MAP4: variants seen among roughly 807,000 people sequenced by gnomAD.
MAP4 encodes microtubule-associated protein 4.
In MAP4, 76 loss-of-function variants were observed where a neutral mutation model predicts 170.2. The ratio of observed to expected loss-of-function variants is 0.45; its 90% CI spans 0.37 to 0.54. The LOEUF is 0.54. Among genes scored for constraint, MAP4 ranks in the 20% least tolerant of loss-of-function variants. MAP4 has a pLI of 0.00. For missense variants in MAP4, 2,506 were observed against 2,748.0 expected (o/e 0.91, Z 1.97); for synonymous variants, 909 against 994.5 (o/e 0.91, Z 1.62).
At chr3:48,023,589 G>A (rs2100111625) in intron 1 of MAP4, among the ~76,000 whole-genome samples, 1 of 152,158 alleles carries the variant, frequency 6.6e-6, no homozygotes. Flanking sequence ...GTCTGCATGT[G>A]CTGACCTTTA....
chr3:47,875,585 C>T (rs2095081784), intron 12 of MAP4, 100 bp downstream of exon 12: 1 of 1,138,000 alleles, frequency 8.8e-7, no homozygotes. Flanking sequence ...TTCCCAATTC[C>T]ACCAGCCTGA....
chr3:48,086,516 A>G (rs898459469), intron 1 of MAP4, among the ~76,000 whole-genome samples: 5 of 151,970 alleles, frequency 3.3e-5, no homozygotes, highest in African/African-American at 1.2e-4. Flanking sequence ...GCACATGCCT[A>G]TAATCCCAGC....
At chr3:48,078,044 C>A (rs1037478875) in intron 1 of MAP4, among the ~76,000 whole-genome samples, 2 of 152,130 alleles carry the variant, frequency 1.3e-5, no homozygotes, top group African/African-American at 4.8e-5. Flanking sequence ...AGACTGCTAA[C>A]GGGTATGAGG....
intron 3 of MAP4, among the ~76,000 whole-genome samples, chr3:47,939,870 G>A (rs1368338356): frequency 7.2e-5 from 11 of 151,810 alleles, no homozygotes; most frequent in Admixed American, 7.2e-4. Flanking sequence ...TTGAGGTGGA[G>A]TCTCACTCTG....
At chr3:47,976,347 T>C (rs1399399126) in intron 3 of MAP4, among the ~76,000 whole-genome samples, 1 of 152,208 alleles carries the variant, frequency 6.6e-6, no homozygotes. Flanking sequence ...ACACAGAGTT[T>C]GAGTCTCTTC....
rs761081509 is a variant in MAP4, at chr3:47,916,218, G to C, written c.1609C>G (p.Pro537Ala). Residue 537 changes from proline (P) to alanine (A), a missense_variant, in exon 7 of 21, where the codon CCT (proline) becomes GCT (alanine). By Grantham distance (27) the Pro-to-Ala change is conservative. This residue lies in a region of MAP4 where 2,008 missense variants were observed against 2,206.0 expected (regional missense o/e 0.91). Transcript: ENST00000683076. ...EVVLIKNVCL[P>A]PEMEVALTED... ...GTCAGGGCCACCTCCATTTCTGGAG[G>C]CAGACATACGTTCTTGATGAGAACT... The C allele has an allele frequency of 6.2e-7, 1 of 1,614,196 alleles. No individual in the cohort carries two copies. Among genetic ancestry groups the C allele is most frequent in the South Asian group, 1.1e-5 (1 of 91,088 alleles).
intron 3 of MAP4, among the ~76,000 whole-genome samples, chr3:47,959,549 G>T (rs2100070154): frequency 6.6e-6 from 1 of 151,830 alleles, no homozygotes; most frequent in Admixed American, 6.6e-5. Context: ...AAGGTCAGGA[G>T]ATCGAGACCA....
In MAP4 at chr3:47,870,813, C is replaced by A. The variant is rs1367942899; in HGVS notation, c.6294G>T (p.Arg2098=). 3.9e-6 allele frequency: 6 copies of A among 1,545,028 alleles called. No homozygotes were observed. The highest frequency in any genetic ancestry group is 5.2e-6 in the Non-Finnish European group (6 of 1,143,664). ...ENIKHQPGGG[R]AKVEKKTEAA... is the part of the protein sequence containing the mutation. ...AGGACCCCAAGCTCCCTGGACCCACCCGGCCTCCTCCAGGCTGATGCTTGA... is the reference window on the plus strand; with the variant it reads ...AGGACCCCAAGCTCCCTGGACCCACACGGCCTCCTCCAGGCTGATGCTTGA... The change falls in exon 15 of 21, where the codon CGG becomes CGT. Residue 2098 remains arginine (R), a splice_region_variant and synonymous_variant. Transcript: ENST00000683076.
At chr3:47,892,845 T>C in intron 10 of MAP4, 3 of 1,056,106 alleles carry the variant, frequency 2.8e-6, no homozygotes, top group Non-Finnish European at 3.4e-6. Flanking sequence ...GGATAGTAAT[T>C]ATTTTGGCTT....
intron 1 of MAP4, among the ~76,000 whole-genome samples, chr3:48,056,672 T>A (rs1483190423): frequency 1.2e-5 from 1 of 84,852 alleles, no homozygotes; most frequent in Non-Finnish European, 2.3e-5. Context: ...GGTGGGGGGG[T>A]CAGCCCTCCG....
At chr3:48,073,252 T>TAC (rs35163339) in intron 1 of MAP4, among the ~76,000 whole-genome samples, 1,931 of 134,464 alleles carry the variant, frequency 0.014, 34 homozygotes, top group African/African-American at 0.037. Flanking sequence ...TCCAAAGGAA[T>TAC]ACACACACAC....
At chr3:48,056,478 G>A (rs2100131729) in intron 1 of MAP4, among the ~76,000 whole-genome samples, 1 of 60,972 alleles carries the variant, frequency 1.6e-5, no homozygotes, top group African/African-American at 7.3e-5. Flanking sequence ...GCCCCGTCCG[G>A]GAGGGAGGTG....
Position 47,914,876 on chromosome 3 carries a change from T to C in MAP4, c.1940A>G (p.Lys647Arg). Residue 647 changes from lysine to arginine, a missense_variant, in exon 8 of 21, where the codon AAA becomes AGA. Physicochemically the swap from Lys to Arg is conservative, Grantham distance 26 (BLOSUM62 2). This residue lies in a region of MAP4 where 2,008 missense variants were observed against 2,206.0 expected (regional missense o/e 0.91). Coordinates refer to ENST00000683076, the MANE Select transcript of MAP4 (RefSeq NM_001385682.1). Reference protein sequence around the residue: ...LPAEEDSVLEKLGERKPCNSQ... With the variant: ...LPAEEDSVLERLGERKPCNSQ... ...GTTGCATGGTTTCCTTTCCCCTAGT[T>C]TTTCTAACACAGAATCCTCCTCGGC... The C allele has an allele frequency of 2.5e-6, 4 of 1,614,140 alleles. No homozygotes were observed. In the South Asian group the frequency reaches 4.4e-5, roughly 18 times the overall value.
chr3:48,073,648 C>A (rs1006760995), intron 1 of MAP4, among the ~76,000 whole-genome samples: 9 of 151,470 alleles, frequency 5.9e-5, no homozygotes, highest in Non-Finnish European at 1.0e-4. Flanking sequence ...TTCAGCAAGG[C>A]CACAGAATAC....
chr3:47,864,252 T>G (rs1037966466), intron 17 of MAP4, among the ~76,000 whole-genome samples: 1 of 152,172 alleles, frequency 6.6e-6, no homozygotes. Context: ...AAAAGATATT[T>G]TTTTTGGGAC....
intron 1 of MAP4, among the ~76,000 whole-genome samples, chr3:48,025,858 C>T (rs113211047): frequency 0.011 from 1,720 of 150,640 alleles, 36 homozygotes; most frequent in African/African-American, 0.039. Context: ...CGAGATCGTA[C>T]CACTGCACTC....
At chr3:47,973,618 AAAG>A in intron 3 of MAP4, 1 of 985,370 alleles carries the variant, frequency 1.0e-6, no homozygotes, top group Non-Finnish European at 1.2e-6. Flanking sequence ...AATGGAAATA[AAAG>A]AATAAATAAA....
In MAP4 at chr3:47,932,533, T is replaced by TC. The variant is rs1324095272; in HGVS notation, c.293-4184dup. Reference sequence around the variant, plus strand: ...CCAAAATGGCTGCGTCATTTTACAATCCCAATAACAATACATGAGGACTCC... The same window carrying TC: ...CCAAAATGGCTGCGTCATTTTACAATCCCCAATAACAATACATGAGGACTCC... On this transcript the variant is annotated intron_variant, in intron 3 of 20. Transcript: ENST00000683076. Among the ~76,000 whole-genome samples the TC allele has an allele frequency of 7.9e-5, 12 of 152,254 alleles. No individual in the cohort carries two copies. In the East Asian group the frequency reaches 2.3e-3, roughly 29 times the overall value.
At chr3:47,938,905 C>CA (rs2100054638) in intron 3 of MAP4, among the ~76,000 whole-genome samples, 1 of 152,230 alleles carries the variant, frequency 6.6e-6, no homozygotes, top group Non-Finnish European at 1.5e-5. Flanking sequence ...AGGGCTTCAA[C>CA]AACACAAAAC....
Sources: allele counts gnomAD v4.1 joint callset (sites outside exome capture counted in the v4.1 genomes callset), GRCh38; gene constraint gnomAD v4.1.1; regional missense constraint gnomAD v4.1.1; transcripts MANE v1.5; gene names NCBI Gene and HGNC (gene_info 2026-07-23, HGNC 2026-07-21).